The following DRAXIN variants were observed in gnomAD, a reference collection of about 807,000 sequenced individuals.
The protein encoded by DRAXIN is dorsal repulsive axon guidance protein.
A neutral mutation model predicts 33.9 loss-of-function variants in DRAXIN; 27 were observed. The observed-to-expected ratio is 0.80, with a 90% confidence interval of 0.59 to 1.10. The LOEUF (loss-of-function observed/expected upper bound fraction) is 1.10. Ranked by LOEUF, DRAXIN falls within the 50% of genes least tolerant of loss-of-function variation. DRAXIN has a pLI of 0.00. For synonymous variants in DRAXIN, 178 were observed against 194.0 expected (o/e 0.92, Z 0.69); for missense variants, 371 against 460.8 (o/e 0.81, Z 1.78).
At position 11,706,889 on chromosome 1, in the gene DRAXIN, G is replaced by A. The variant is rs563009958; in HGVS notation, c.451+180G>A. Among the ~76,000 whole-genome samples, 5 of 152,276 alleles carry A rather than the reference G, an allele frequency of 3.3e-5. No homozygotes were observed. Among genetic ancestry groups the A allele is most frequent in the Admixed American group, 6.5e-5 (1 of 15,286 alleles). On this transcript the variant is annotated intron_variant, in intron 2 of 6. Coordinates refer to ENST00000294485, the MANE Select transcript of DRAXIN (RefSeq NM_198545.4). This position sits in a 1 kb window ranked among gnomAD's most constrained non-coding sequence, Gnocchi z 5.5. ...GGGAGAGGCCTGGGGTTGGGGCATG[G>A]GAAGAGGAGAGGGATGTGTTGCAAT...
At chr1:11,690,409 G>C (rs2100723604), upstream of DRAXIN, among the ~76,000 whole-genome samples, 1 of 152,282 alleles carries the variant, frequency 6.6e-6, no homozygotes, top group African/African-American at 2.4e-5. This position sits in a 1 kb window ranked among gnomAD's most constrained non-coding sequence, Gnocchi z 4.2. Context: ...TTTCCTATGG[G>C]CCAGACCTTA....
chr1:11,696,920 C>T lies in DRAXIN; in HGVS notation c.-11+5067C>T, dbSNP rs1008941518. Among the ~76,000 whole-genome samples the T allele has an allele frequency of 1.3e-5, 2 of 151,828 alleles. No homozygotes were observed. The highest frequency in any genetic ancestry group is 2.9e-5 in the Non-Finnish European group (2 of 67,958). ...GCATGGTGGTGCATGCCTGTAATCC[C>T]AGCTGCTTGGGAGGCTAAGGCAGAA... On this transcript the variant is annotated intron_variant, in intron 1 of 6. Coordinates refer to ENST00000294485, the MANE Select transcript of DRAXIN (RefSeq NM_198545.4). This position sits in a 1 kb window ranked among gnomAD's most constrained non-coding sequence, Gnocchi z 4.7.
intron 5 of DRAXIN, among the ~76,000 whole-genome samples, chr1:11,713,991 G>A (rs570105120): frequency 1.0e-3 from 159 of 152,146 alleles, no homozygotes; most frequent in African/African-American, 3.6e-3. Context: ...GAGATCGCAC[G>A]ACTGCACTCT....
chr1:11,695,022 A>G (rs1641169051), intron 1 of DRAXIN, among the ~76,000 whole-genome samples: 1 of 152,200 alleles, frequency 6.6e-6, no homozygotes. Flanking sequence ...CAGGTGTACC[A>G]GGCTCTGGGT....
At chr1:11,688,652 A>G (rs1424838954), upstream of DRAXIN, among the ~76,000 whole-genome samples, 1 of 152,156 alleles carries the variant, frequency 6.6e-6, no homozygotes, top group Non-Finnish European at 1.5e-5. This position sits in a 1 kb window ranked among gnomAD's most constrained non-coding sequence, Gnocchi z 4.6. Flanking sequence ...TAAAAAGCTC[A>G]AGTCCTCCCT....
At chr1:11,715,353 G>A (rs1641561430) in intron 6 of DRAXIN, 145 bp downstream of exon 6, 2 of 964,090 alleles carry the variant, frequency 2.1e-6, no homozygotes. Flanking sequence ...GTGTAGGTGG[G>A]AGAATCCCTC....
chr1:11,706,312 G>GC lies in DRAXIN; in HGVS notation c.58dup (p.Leu20ProfsTer20). The GC allele has an allele frequency of 6.2e-7, 1 of 1,613,368 alleles. No homozygotes were observed. The highest frequency in any genetic ancestry group is 1.1e-5 in the South Asian group (1 of 90,994). On this transcript the variant is annotated frameshift_variant, in exon 2 of 7. Transcript: ENST00000294485. LOFTEE classifies it high-confidence loss of function. The surrounding 1 kb of genome is among the most constrained non-coding windows in gnomAD (Gnocchi z 5.5). The stretch of plus-strand genomic sequence containing the variant: ...CCATGCTGTTCCTCGTCCTCCTGCT[G>GC]CCCCTGGAGCTGAGCCTGGCAGGCG...
upstream of DRAXIN, among the ~76,000 whole-genome samples, chr1:11,690,085 C>T (rs562993810): frequency 3.5e-4 from 54 of 152,222 alleles, no homozygotes; most frequent in Non-Finnish European, 7.1e-4. The surrounding 1 kb of genome is among the most constrained non-coding windows in gnomAD (Gnocchi z 4.2). Flanking sequence ...CTCGTCCCTT[C>T]ATGCTTTGTC....
intron 2 of DRAXIN, among the ~76,000 whole-genome samples, chr1:11,708,802 T>C (rs1641429859): frequency 1.3e-5 from 2 of 152,126 alleles, no homozygotes; most frequent in African/African-American, 4.8e-5. Flanking sequence ...TGATGACTAA[T>C]TGTCACCACA....
In DRAXIN at chr1:11,712,015, C is replaced by A. The variant is rs754817675; in HGVS notation, c.757+50C>A. 7 of 1,553,462 alleles carry A rather than the reference C, an allele frequency of 4.5e-6. No homozygotes were observed. The African/African-American group carries it at 6.8e-5, about 15-fold the overall frequency. On this transcript the variant is annotated intron_variant, in intron 4 of 6. Coordinates refer to ENST00000294485, the MANE Select transcript of DRAXIN (RefSeq NM_198545.4). ...TCCATGCCTGGGTGCCCTGCCCTCCCGCACCATCTGTTGAGGTGGGGGCCC... is the reference window on the plus strand; with the variant it reads ...TCCATGCCTGGGTGCCCTGCCCTCCAGCACCATCTGTTGAGGTGGGGGCCC...
chr1:11,689,938 G>A (rs941362155), upstream of DRAXIN, among the ~76,000 whole-genome samples: 2 of 151,688 alleles, frequency 1.3e-5, no homozygotes, highest in African/African-American at 2.4e-5. Context: ...GCACACTCCC[G>A]CTCCAGGACC....
chr1:11,720,997 G>A lies in DRAXIN; in HGVS notation c.*1301G>A, dbSNP rs754763798. The A allele has an allele frequency of 2.0e-5, 3 of 152,184 alleles. No homozygotes were observed. The highest frequency in any genetic ancestry group is 4.4e-5 in the Non-Finnish European group (3 of 68,044). 9.4% of individuals were successfully genotyped at this position (152,184 alleles called of 1,614,324 possible). On this transcript the variant is annotated 3_prime_UTR_variant, in exon 7 of 7. Coordinates refer to ENST00000294485, the MANE Select transcript of DRAXIN (RefSeq NM_198545.4). ...CCTGTGGTCTAGTAGCTGATATCCT[G>A]GGATAAGAAGTGTTTGGGGAAAAGA...
rs769786629 is a variant in DRAXIN at position 11,705,715 on chromosome 1, G to A, written c.-10-534G>A. Among the ~76,000 whole-genome samples the A allele has an allele frequency of 7.2e-5, 11 of 152,176 alleles. No homozygotes were observed. The highest frequency in any genetic ancestry group is 1.3e-4 in the Non-Finnish European group (9 of 68,036). On this transcript the variant is annotated intron_variant, in intron 1 of 6. Transcript: ENST00000294485. The surrounding 1 kb of genome is among the most constrained non-coding windows in gnomAD (Gnocchi z 4.8). ...GCCATTTCAGAGAGCTCTTGAAAGG[G>A]CGAAGTGACATGAATTCACACAAAG...
chr1:11,713,741 A>T (rs912712687), intron 5 of DRAXIN, among the ~76,000 whole-genome samples: 1 of 152,146 alleles, frequency 6.6e-6, no homozygotes, highest in Non-Finnish European at 1.5e-5. Flanking sequence ...GTAATAATTT[A>T]AAAAAATAAC....
chr1:11,701,739 G>A (rs576753051), intron 1 of DRAXIN, among the ~76,000 whole-genome samples: 3 of 152,190 alleles, frequency 2.0e-5, no homozygotes, highest in African/African-American at 4.8e-5. Flanking sequence ...CGGGCTGCGG[G>A]GAGGCGGAGG....
rs985079331 is a variant in DRAXIN at position 11,705,061 on chromosome 1, G to C, written c.-10-1188G>C. 2.6e-5 allele frequency among the ~76,000 whole-genome samples: 4 copies of C among 152,240 alleles called. No homozygotes were observed. Among genetic ancestry groups the C allele is most frequent in the Admixed American group, 2.0e-4 (3 of 15,290 alleles). ...CCAGCCAGCATGGGGGCCGCAGGGA[G>C]AGGCGCCGGGAAGCAGGGAAACATC... On this transcript the variant is annotated intron_variant, in intron 1 of 6. Transcript: ENST00000294485. The surrounding 1 kb of genome is among the most constrained non-coding windows in gnomAD (Gnocchi z 4.8).
chr1:11,695,490 G>A (rs941871741), intron 1 of DRAXIN, among the ~76,000 whole-genome samples: 5 of 151,876 alleles, frequency 3.3e-5, no homozygotes, highest in Non-Finnish European at 2.9e-5. Flanking sequence ...GGAGGCTGAG[G>A]TAGTAGAATC....
At position 11,712,425 on chromosome 1, in the gene DRAXIN, G is replaced by T. The variant is rs139867221; in HGVS notation, c.843G>T (p.Leu281=). The change falls in exon 5 of 7, where the codon CTG becomes CTT. Residue 281 remains leucine (L), a synonymous_variant. Coordinates refer to ENST00000294485, the MANE Select transcript of DRAXIN (RefSeq NM_198545.4). ...GEPCDHHQDC[L]PGTCCDLREH... is the part of the protein sequence containing the mutation. ...CATGCGACCATCACCAAGACTGCCT[G>T]CCAGGTACCAGCCAGCACCCACATT... is the stretch of plus-strand genomic sequence containing the variant. 1.2e-6 allele frequency: 2 copies of T among 1,613,922 alleles called. No homozygotes were observed. The highest frequency in any genetic ancestry group is 2.7e-5 in the African/African-American group (2 of 74,906).
chr1:11,708,195 C>T (rs1024396648), intron 2 of DRAXIN, among the ~76,000 whole-genome samples: 1 of 152,254 alleles, frequency 6.6e-6, no homozygotes, highest in Non-Finnish European at 1.5e-5. Context: ...TCCTGCTGGG[C>T]TCCGGCTCCG....
Sources: allele counts gnomAD v4.1 joint callset (sites outside exome capture counted in the v4.1 genomes callset), GRCh38; gene constraint gnomAD v4.1.1; non-coding constraint Gnocchi (gnomAD v3.1); transcripts MANE v1.5; gene names NCBI Gene and HGNC (gene_info 2026-07-23, HGNC 2026-07-21).